SLC7A11: variants seen among roughly 807,000 people sequenced by gnomAD.
The protein encoded by SLC7A11 is cystine/glutamate transporter.
SLC7A11 carries 35 observed loss-of-function variants against 54.5 expected under a neutral mutation model. That is an observed-to-expected ratio of 0.64 (90% CI 0.49 to 0.85). The LOEUF is 0.85. Ranked by LOEUF, SLC7A11 falls within the 40% of genes least tolerant of loss-of-function variation. SLC7A11 has a pLI of 0.00. For synonymous variants in SLC7A11, 230 were observed against 225.2 expected, an observed-to-expected ratio of 1.02 and a Z score of -0.19; for missense variants, 583 against 618.1, an observed-to-expected ratio of 0.94 and a Z score of 0.60.
intron 6 of SLC7A11, among the ~76,000 whole-genome samples, chr4:138,212,231 T>C (rs2148437312): frequency 6.6e-6 from 1 of 152,026 alleles, no homozygotes; most frequent in Middle Eastern, 3.4e-3. Flanking sequence ...TTCAAAATGG[T>C]GTAATTTTTC....
chr4:138,241,895 C>T lies in SLC7A11; in HGVS notation c.175G>A (p.Gly59Arg). Residue 59 changes from glycine to arginine, a missense_variant, in exon 1 of 12, where the codon GGA (glycine) becomes AGA (arginine). By Grantham distance (125) the Gly-to-Arg change is moderately radical (BLOSUM62 -2). Transcript: ENST00000280612. ...TTAGGAGAGATGAAGATTCCTGCTC[C>T]AATGATGGTGCCAATGATAATGGAG... ...GVSIIIGTII[G>R]AGIFISPKGV... 1 of 1,614,020 alleles carries T rather than the reference C, an allele frequency of 6.2e-7. No homozygotes were observed. The highest frequency in any genetic ancestry group is 8.5e-7 in the Non-Finnish European group (1 of 1,179,954).
At position 138,221,668 on chromosome 4, in the gene SLC7A11, G is replaced by A. The variant is rs535982537; in HGVS notation, c.646+1531C>T. On this transcript the variant is annotated intron_variant, in intron 4 of 11. Coordinates refer to ENST00000280612, the MANE Select transcript of SLC7A11 (RefSeq NM_014331.4). ...CTAAAAAAACCTCAAGATATATCAT[G>A]ACCTCTGCTCTCAAGGAATTTGCAA... is the stretch of plus-strand genomic sequence containing the variant. Among the ~76,000 whole-genome samples, 196 of 152,210 alleles carry A rather than the reference G, an allele frequency of 1.3e-3. 1 individual carries two copies. Among genetic ancestry groups the A allele is most frequent in the Non-Finnish European group, 2.4e-4 (16 of 68,008 alleles).
intron 6 of SLC7A11, among the ~76,000 whole-genome samples, chr4:138,210,110 C>T (rs1339808196): frequency 3.3e-5 from 5 of 151,998 alleles, no homozygotes; most frequent in African/African-American, 4.8e-5. Flanking sequence ...ACCATATGAT[C>T]TCCAACAAAG....
rs1366385100 is a variant in SLC7A11 at position 138,241,866 on chromosome 4, G to A, written c.204C>T (p.Gly68=). 9.9e-6 allele frequency: 16 copies of A among 1,613,954 alleles called. No homozygotes were observed. The highest frequency in any genetic ancestry group is 2.7e-5 in the African/African-American group (2 of 74,888). Residue 68 remains glycine (G), a synonymous_variant, in exon 1 of 12, where the codon GGC becomes GGT. Coordinates refer to ENST00000280612, the MANE Select transcript of SLC7A11 (RefSeq NM_014331.4). ...IGAGIFISPK[G]VLQNTGSVGM... ...CCACGCTGCCCGTGTTCTGGAGCAC[G>A]CCCTTAGGAGAGATGAAGATTCCTG...
chr4:138,232,327 A>G lies in SLC7A11; in HGVS notation c.460T>C (p.Phe154Leu), dbSNP rs1198820469. The G allele has an allele frequency of 2.5e-6, 4 of 1,613,818 alleles. No individual in the cohort carries two copies. The highest frequency in any genetic ancestry group is 2.7e-5 in the African/African-American group (2 of 74,926). ...LAFGRYILEP[F>L]FIQCEIPELA... is the part of the protein sequence containing the mutation. ...TCAGGGATTTCACATTGAATAAAAAATGGTTCCAGAATGTAGCGTCCAAAT... is the reference window on the plus strand; with the variant it reads ...TCAGGGATTTCACATTGAATAAAAAGTGGTTCCAGAATGTAGCGTCCAAAT... Residue 154 changes from phenylalanine (F) to leucine (L), a missense_variant, in exon 3 of 12, where the codon TTT (phenylalanine) becomes CTT (leucine). By Grantham distance (22) the Phe-to-Leu change is conservative. Transcript: ENST00000280612.
intron 2 of SLC7A11, among the ~76,000 whole-genome samples, chr4:138,234,336 T>G (rs534690983): frequency 7.2e-5 from 11 of 152,312 alleles, no homozygotes; most frequent in African/African-American, 2.6e-4. Context: ...AGGTATAATT[T>G]TAATGGGAAG....
Position 138,195,133 on chromosome 4 carries a change from A to G in SLC7A11, c.792-9889T>C, listed in dbSNP as rs1026516517. Among the ~76,000 whole-genome samples, 22 of 152,268 alleles carry G rather than the reference A, an allele frequency of 1.4e-4. 1 individual carries two copies. Among genetic ancestry groups the G allele is most frequent in the African/African-American group, 5.1e-4 (21 of 41,566 alleles). ...GTGTCAGCCTGGCTGAAAAATAATGATCATTACAGAAGATCATTTAAAGGA... is the reference window on the plus strand; with the variant it reads ...GTGTCAGCCTGGCTGAAAAATAATGGTCATTACAGAAGATCATTTAAAGGA... On this transcript the variant is annotated intron_variant, in intron 6 of 11. Transcript: ENST00000280612.
chr4:138,190,733 T>A lies in SLC7A11; in HGVS notation c.792-5489A>T, dbSNP rs141670812. Among the ~76,000 whole-genome samples, 136 of 152,314 alleles carry A rather than the reference T, an allele frequency of 8.9e-4. 1 individual carries two copies. Among genetic ancestry groups the A allele is most frequent in the African/African-American group, 3.1e-3 (129 of 41,582 alleles). On this transcript the variant is annotated intron_variant, in intron 6 of 11. Coordinates refer to ENST00000280612, the MANE Select transcript of SLC7A11 (RefSeq NM_014331.4). ...TCCATACATTTTGACATACTTTCCC[T>A]GACTCTTGCTCACACTAAACTCTCC...
At chr4:138,225,712 T>C (rs1013096749) in intron 3 of SLC7A11, among the ~76,000 whole-genome samples, 2 of 152,070 alleles carry the variant, frequency 1.3e-5, no homozygotes, top group East Asian at 3.9e-4. Context: ...TCAACGTTGG[T>C]GTAAAAGTGA....
At chr4:138,210,075 C>T (rs1473857379) in intron 6 of SLC7A11, among the ~76,000 whole-genome samples, 3 of 151,624 alleles carry the variant, frequency 2.0e-5, no homozygotes, top group Non-Finnish European at 4.4e-5. Flanking sequence ...GTTAAAGAAC[C>T]CAGAAATAAA....
chr4:138,214,451 A>G, intron 6 of SLC7A11, 134 bp downstream of exon 6: 1 of 442,140 alleles, frequency 2.3e-6, no homozygotes, highest in Non-Finnish European at 4.2e-6. Context: ...TATCTAAGAG[A>G]ATTATAGTGA....
At position 138,165,335 on chromosome 4, in the gene SLC7A11, C is replaced by CCTGT. The variant is rs1262713094; in HGVS notation, c.*6617_*6620dup. The CCTGT allele has an allele frequency of 1.3e-5, 2 of 152,554 alleles. No individual in the cohort carries two copies. Among genetic ancestry groups the CCTGT allele is most frequent in the Non-Finnish European group, 2.9e-5 (2 of 68,006 alleles). 9.5% of individuals were successfully genotyped at this position (152,554 alleles called of 1,614,324 possible). ...AAGCTCTACAAATATTGAGTCAAAT[C>CCTGT]CTGTCTGTCAGAAAATGAAGACCCA... On this transcript the variant is annotated 3_prime_UTR_variant, in exon 12 of 12. Coordinates refer to ENST00000280612, the MANE Select transcript of SLC7A11 (RefSeq NM_014331.4).
At chr4:138,187,250 A>C (rs1279975561) in intron 6 of SLC7A11, among the ~76,000 whole-genome samples, 3 of 152,120 alleles carry the variant, frequency 2.0e-5, no homozygotes, top group African/African-American at 7.2e-5. Context: ...GGGAACCTAG[A>C]AAATCTAACC....
Position 138,213,358 on chromosome 4 carries a change from C to T in SLC7A11, c.791+1227G>A, listed in dbSNP as rs541133992. ...ACATTCCTGGTACTTGGCCAGATCT[C>T]ATCAGTTTACCATTTCCCAAGATAC... On this transcript the variant is annotated intron_variant, in intron 6 of 11. Transcript: ENST00000280612. 1.3e-4 allele frequency among the ~76,000 whole-genome samples: 20 copies of T among 152,146 alleles called. No individual in the cohort carries two copies. The South Asian group carries it at 4.1e-3, about 32-fold the overall frequency.
intron 6 of SLC7A11, among the ~76,000 whole-genome samples, chr4:138,204,853 C>A (rs796126220): frequency 9.2e-5 from 14 of 152,098 alleles, no homozygotes; most frequent in African/African-American, 3.4e-4. Context: ...CTTTTAACTA[C>A]TAATAATTGG....
intron 9 of SLC7A11, 151 bp downstream of exon 9, chr4:138,182,146 A>G (rs773994439): frequency 8.8e-6 from 5 of 569,342 alleles, no homozygotes; most frequent in Non-Finnish European, 1.3e-5. Context: ...TAAAGGGAAG[A>G]GATGGAAGAT....
At chr4:138,203,129 A>G (rs1421362426) in intron 6 of SLC7A11, among the ~76,000 whole-genome samples, 2 of 152,046 alleles carry the variant, frequency 1.3e-5, no homozygotes, top group Non-Finnish European at 2.9e-5. Flanking sequence ...CCCCACCCCA[A>G]TAAAATAGGC....
rs577226979 is a variant in SLC7A11 at position 138,168,056 on chromosome 4, A to G, written c.*3900T>C. ...TTTTAAAAACATATCCTCCATACTT[A>G]TTTCTAACAGAAAAAAATAACAGGA... is the stretch of plus-strand genomic sequence containing the variant. On this transcript the variant is annotated 3_prime_UTR_variant, in exon 12 of 12. Coordinates refer to ENST00000280612, the MANE Select transcript of SLC7A11 (RefSeq NM_014331.4). 6.6e-5 allele frequency: 10 copies of G among 152,308 alleles called. No individual in the cohort carries two copies. In the South Asian group the frequency reaches 1.7e-3, roughly 25 times the overall value. The allele number at this position is 152,308 out of a possible 1,614,324, so 9.4% of individuals were successfully genotyped here.
intron 6 of SLC7A11, among the ~76,000 whole-genome samples, chr4:138,199,689 G>A (rs1737230547): frequency 6.6e-6 from 1 of 152,040 alleles, no homozygotes. Context: ...CTATCTTTTA[G>A]AGAACAGGAA....
Sources: gnomAD v4.1 joint callset for allele counts (sites outside exome capture counted in the v4.1 genomes callset) on GRCh38, gnomAD v4.1.1 for gene constraint, MANE v1.5 for transcripts, NCBI Gene and HGNC (gene_info 2026-07-23, HGNC 2026-07-21) for gene names.